Variants in TRMT11 observed in about 807,000 individuals in gnomAD.
TRMT11 encodes tRNA (guanine(10)-N(2))-methyltransferase TRMT11.
In TRMT11, 53 loss-of-function variants were observed where a neutral mutation model predicts 62.8. The ratio of observed to expected loss-of-function variants is 0.84; its 90% CI spans 0.68 to 1.06. The LOEUF (loss-of-function observed/expected upper bound fraction) is 1.06, where lower values mean the gene tolerates loss of function less well. Ranked by LOEUF, TRMT11 falls within the 50% of genes least tolerant of loss-of-function variation. The pLI, the probability that TRMT11 is intolerant of heterozygous loss-of-function variation, is 0.00. For synonymous variants in TRMT11, 188 were observed against 190.3 expected (o/e 0.99, Z 0.10); for missense variants, 556 against 553.4 (o/e 1.00, Z -0.05).
chr6:126,113,170 G>A (rs920835596), intron 18 of TRMT11, among the ~76,000 whole-genome samples: 8 of 152,022 alleles, frequency 5.3e-5, no homozygotes, highest in African/African-American at 1.9e-4. Context: ...TTTGAGGGGC[G>A]TTATGTTCCC....
intron 1 of TRMT11, among the ~76,000 whole-genome samples, chr6:126,198,060 T>C (rs1778687670): frequency 6.6e-6 from 1 of 152,202 alleles, no homozygotes; most frequent in African/African-American, 2.4e-5. Flanking sequence ...CTTAATAAAG[T>C]AGAATGGACT....
At chr6:126,086,939 T>C (rs1044140396) in intron 17 of TRMT11, among the ~76,000 whole-genome samples, 4 of 152,214 alleles carry the variant, frequency 2.6e-5, no homozygotes, top group African/African-American at 9.6e-5. Flanking sequence ...ACCTTTATCA[T>C]GGTATTATTC....
At chr6:126,257,499 A>G in the TRMT11 span, among the ~76,000 whole-genome samples, 5 of 152,028 alleles carry the variant, frequency 3.3e-5, no homozygotes, top group Non-Finnish European at 7.4e-5. Context: ...TTTTGAAATC[A>G]ACATAAATCT....
intron 3 of TRMT11, among the ~76,000 whole-genome samples, chr6:125,996,558 TTTATCA>T (rs1791548257): frequency 1.3e-5 from 2 of 152,206 alleles, no homozygotes; most frequent in Non-Finnish European, 2.9e-5. Context: ...GTTTCTAGAC[TTTATCA>T]TTGGCATCCA....
chr6:126,042,870 T>G (rs1775920827), downstream of TRMT11, among the ~76,000 whole-genome samples: 1 of 152,126 alleles, frequency 6.6e-6, no homozygotes, highest in Non-Finnish European at 1.5e-5. Context: ...AAGTAATGTG[T>G]TGTAAGTTGG....
downstream of TRMT11, among the ~76,000 whole-genome samples, chr6:126,207,595 A>T (rs571325256): frequency 6.6e-6 from 1 of 152,334 alleles, no homozygotes; most frequent in East Asian, 1.9e-4. Context: ...GGCCTATTAA[A>T]TATCCAATGC....
At chr6:126,197,084 T>A (rs1223801115) in intron 1 of TRMT11, among the ~76,000 whole-genome samples, 2 of 152,192 alleles carry the variant, frequency 1.3e-5, no homozygotes, top group Non-Finnish European at 2.9e-5. Context: ...GTCTGTCTGT[T>A]GTCTATTTAT....
the TRMT11 span, among the ~76,000 whole-genome samples, chr6:126,219,290 C>A: frequency 1.3e-5 from 2 of 152,084 alleles, no homozygotes; most frequent in African/African-American, 2.4e-5. Flanking sequence ...CTTGCTTCAC[C>A]TCCCTCCTCC....
downstream of TRMT11, among the ~76,000 whole-genome samples, chr6:126,203,287 CT>C (rs1442424721): frequency 9.2e-5 from 14 of 152,218 alleles, no homozygotes; most frequent in African/African-American, 3.1e-4. Context: ...AATTACTCAG[CT>C]GGTCTACTGC....
intron 6 of TRMT11, 142 bp from the exon 7 acceptor site, chr6:125,999,315 A>G (rs188439682): frequency 5.5e-5 from 29 of 525,688 alleles, no homozygotes; most frequent in Non-Finnish European, 9.0e-5. Flanking sequence ...TACCTCAATT[A>G]CATTATTTTA....
intron 16 of TRMT11, among the ~76,000 whole-genome samples, chr6:126,051,459 C>T (rs1776216200): frequency 1.3e-5 from 2 of 152,148 alleles, no homozygotes; most frequent in South Asian, 4.2e-4. Context: ...CTAACCCACT[C>T]CCCCTACCCT....
At chr6:126,119,806 G>C (rs1301937274) in intron 21 of TRMT11, among the ~76,000 whole-genome samples, 1 of 152,090 alleles carries the variant, frequency 6.6e-6, no homozygotes, top group Non-Finnish European at 1.5e-5. Flanking sequence ...CATATATTTA[G>C]AACCAAAAAT....
At chr6:126,060,883 T>G (rs955051060) in intron 17 of TRMT11, among the ~76,000 whole-genome samples, 1 of 152,240 alleles carries the variant, frequency 6.6e-6, no homozygotes, top group East Asian at 1.9e-4. Context: ...ACAAATGCAT[T>G]GTTTATGTAG....
intron 1 of TRMT11, among the ~76,000 whole-genome samples, chr6:126,183,826 G>A (rs577497033): frequency 5.9e-5 from 9 of 151,328 alleles, no homozygotes; most frequent in African/African-American, 1.2e-4. Flanking sequence ...GGGACGATAC[G>A]TGGGGAAGGA....
At chr6:126,021,336 T>G in intron 12 of TRMT11, 56 bp downstream of exon 12, 2 of 1,582,406 alleles carry the variant, frequency 1.3e-6, no homozygotes, top group Non-Finnish European at 1.7e-6. Flanking sequence ...AGTAGTTGTT[T>G]CTAAATAGTT....
At chr6:126,018,848 T>C (rs1029737046) in intron 11 of TRMT11, among the ~76,000 whole-genome samples, 5 of 152,210 alleles carry the variant, frequency 3.3e-5, no homozygotes, top group African/African-American at 1.2e-4. Flanking sequence ...ATGAAATATA[T>C]TGGTAAATAT....
intron 17 of TRMT11, among the ~76,000 whole-genome samples, chr6:126,105,754 G>A (rs1777457869): frequency 2.0e-5 from 3 of 152,086 alleles, no homozygotes; most frequent in South Asian, 2.1e-4. Flanking sequence ...GGGGAAAGAA[G>A]GTATGAGAGT....
the TRMT11 span, among the ~76,000 whole-genome samples, chr6:126,264,111 C>T: frequency 0.021 from 3,264 of 152,022 alleles, 134 homozygotes; most frequent in African/African-American, 0.075. Context: ...GTTTTAGGCA[C>T]CAAACCAAAT....
chr6:126,192,915 G>C (rs1276338317), intron 1 of TRMT11, among the ~76,000 whole-genome samples: 4 of 152,098 alleles, frequency 2.6e-5, no homozygotes, highest in Non-Finnish European at 5.9e-5. Context: ...TCCTTGTCTT[G>C]TTTTTGTGTA....
Sources: gnomAD v4.1 joint callset for allele counts (sites outside exome capture counted in the v4.1 genomes callset) on GRCh38, gnomAD v4.1.1 for gene constraint, MANE v1.5 for transcripts, NCBI Gene and HGNC (gene_info 2026-07-23, HGNC 2026-07-21) for gene names.